The following ADAMTSL3 variants were observed in gnomAD, a reference collection of about 807,000 sequenced individuals.
ADAMTSL3 encodes the protein ADAMTS like 3.
ADAMTSL3 carries 128 observed loss-of-function variants against 201.7 expected under a neutral mutation model. The observed-to-expected ratio is 0.63, with a 90% confidence interval of 0.55 to 0.73. The LOEUF is 0.73. Ranked by LOEUF, ADAMTSL3 falls within the 30% of genes least tolerant of loss-of-function variation. The pLI is 0.00. For synonymous variants in ADAMTSL3, 738 were observed against 748.4 expected (o/e 0.99, Z 0.23); for missense variants, 1,990 against 2,119.6 (o/e 0.94, Z 1.20).
At chr15:84,018,976 G>A (rs954344461) in intron 25 of ADAMTSL3, among the ~76,000 whole-genome samples, 1 of 151,832 alleles carries the variant, frequency 6.6e-6, no homozygotes, top group African/African-American at 2.4e-5. Context: ...CATAGACTGG[G>A]AAAAATATTG....
Position 83,810,841 on chromosome 15 carries a change from C to T in ADAMTSL3, c.363+6146C>T, listed in dbSNP as rs188627382. Among the ~76,000 whole-genome samples the T allele has an allele frequency of 6.3e-3, 961 of 152,274 alleles. 8 individuals are homozygous for T. Among genetic ancestry groups the T allele is most frequent in the Admixed American group, 0.013 (195 of 15,300 alleles). ...GAAACCTCTGCCTCCCGGGTTCAAG[C>T]GATTCTCCTGCCTCAGCCTCCTGAG... is the stretch of plus-strand genomic sequence containing the variant. On this transcript the variant is annotated intron_variant, in intron 5 of 29. Transcript: ENST00000286744.
chr15:83,827,427 G>A (rs2064048685), intron 6 of ADAMTSL3, among the ~76,000 whole-genome samples: 1 of 152,150 alleles, frequency 6.6e-6, no homozygotes, highest in African/African-American at 2.4e-5. Flanking sequence ...TGTCAGACGA[G>A]TAGATTGCGA....
At chr15:83,882,531 A>T (rs1345227298) in intron 9 of ADAMTSL3, among the ~76,000 whole-genome samples, 1 of 152,120 alleles carries the variant, frequency 6.6e-6, no homozygotes, top group Non-Finnish European at 1.5e-5. Flanking sequence ...TCTTAGGTAC[A>T]TTCTTTAGTA....
intron 16 of ADAMTSL3, among the ~76,000 whole-genome samples, chr15:83,913,850 A>G (rs1416910896): frequency 6.6e-6 from 1 of 152,202 alleles, no homozygotes. Flanking sequence ...GTGTACATAG[A>G]GGGTGACATA....
At chr15:83,798,887 T>C (rs2063475762) in intron 4 of ADAMTSL3, among the ~76,000 whole-genome samples, 1 of 150,766 alleles carries the variant, frequency 6.6e-6, no homozygotes, top group Non-Finnish European at 1.5e-5. Flanking sequence ...TTCAAAAGCA[T>C]GGTAGCAGGT....
intron 5 of ADAMTSL3, among the ~76,000 whole-genome samples, chr15:83,819,186 G>C (rs575067902): frequency 6.7e-6 from 1 of 150,026 alleles, no homozygotes; most frequent in Non-Finnish European, 1.5e-5. Context: ...CAGGAGAATC[G>C]CTTGAACCTG....
At chr15:83,870,020 G>A (rs778916195) in intron 8 of ADAMTSL3, among the ~76,000 whole-genome samples, 2 of 152,082 alleles carry the variant, frequency 1.3e-5, no homozygotes, top group Non-Finnish European at 2.9e-5. Flanking sequence ...GAAAGAGGGA[G>A]GAAAGACAGA....
At chr15:83,656,596 T>A (rs145722831) in intron 2 of ADAMTSL3, among the ~76,000 whole-genome samples, 4 of 152,366 alleles carry the variant, frequency 2.6e-5, no homozygotes, top group Non-Finnish European at 4.4e-5. Context: ...TAAATGTGTT[T>A]GCAGCCTGGA....
At chr15:84,012,468 G>A (rs566537033) in intron 23 of ADAMTSL3, among the ~76,000 whole-genome samples, 1 of 152,272 alleles carries the variant, frequency 6.6e-6, no homozygotes, top group South Asian at 2.1e-4. Context: ...ACTAGCAATG[G>A]TGGGTTAGGT....
At chr15:83,941,071 A>T (rs1037360175) in intron 17 of ADAMTSL3, among the ~76,000 whole-genome samples, 7 of 151,776 alleles carry the variant, frequency 4.6e-5, no homozygotes, top group Non-Finnish European at 8.8e-5. Flanking sequence ...AATATTTTAA[A>T]TTTTTTAATT....
chr15:83,883,231 G>A lies in ADAMTSL3; in HGVS notation c.961-1870G>A, dbSNP rs74881422. Among the ~76,000 whole-genome samples the A allele has an allele frequency of 8.4e-3, 1,269 of 151,788 alleles. 16 individuals carry two copies. The highest frequency in any genetic ancestry group is 0.029 in the African/African-American group (1,194 of 41,412). The stretch of plus-strand genomic sequence containing the variant: ...TCTGTTGCCCAGGCTGGAGTGCAAT[G>A]GTGTGATCTCGGCTCATTGCAACCT... On this transcript the variant is annotated intron_variant, in intron 9 of 29. Coordinates refer to ENST00000286744, the MANE Select transcript of ADAMTSL3 (RefSeq NM_207517.3).
intron 3 of ADAMTSL3, among the ~76,000 whole-genome samples, chr15:83,711,883 A>G (rs1447524089): frequency 6.6e-6 from 1 of 152,182 alleles, no homozygotes; most frequent in Non-Finnish European, 1.5e-5. Flanking sequence ...TATTTGGGGT[A>G]CTGGGTGATT....
At chr15:83,958,881 A>G (rs1436914580) in intron 19 of ADAMTSL3, among the ~76,000 whole-genome samples, 3 of 152,202 alleles carry the variant, frequency 2.0e-5, no homozygotes, top group African/African-American at 7.2e-5. Context: ...AAGAAACTCA[A>G]GAATGACTGG....
At chr15:83,715,176 A>T (rs1205418929) in intron 3 of ADAMTSL3, among the ~76,000 whole-genome samples, 2 of 152,124 alleles carry the variant, frequency 1.3e-5, no homozygotes, top group African/African-American at 4.8e-5. Flanking sequence ...ACAATGCAGG[A>T]TGTGAGGCTT....
At chr15:83,856,668 A>G (rs1460279458) in intron 7 of ADAMTSL3, among the ~76,000 whole-genome samples, 2 of 152,172 alleles carry the variant, frequency 1.3e-5, no homozygotes, top group African/African-American at 4.8e-5. Context: ...CCATGACTCA[A>G]TTCTGCCTTT....
intron 2 of ADAMTSL3, among the ~76,000 whole-genome samples, chr15:83,677,556 A>G (rs1291060409): frequency 6.6e-6 from 1 of 152,106 alleles, no homozygotes; most frequent in Non-Finnish European, 1.5e-5. Context: ...TACTTTATCT[A>G]ATATGAATGT....
chr15:84,015,061 T>G (rs148796404), intron 24 of ADAMTSL3, among the ~76,000 whole-genome samples: 136 of 152,192 alleles, frequency 8.9e-4, no homozygotes, highest in African/African-American at 3.2e-3. Flanking sequence ...TTCTCCTGCC[T>G]CAGCCTTCTG....
intron 3 of ADAMTSL3, among the ~76,000 whole-genome samples, chr15:83,746,915 T>C: frequency 6.6e-6 from 1 of 152,210 alleles, no homozygotes. Context: ...TAAATACTTT[T>C]CAGTTTGTAC....
intron 2 of ADAMTSL3, among the ~76,000 whole-genome samples, chr15:83,674,482 A>G (rs971151330): frequency 2.0e-5 from 3 of 151,738 alleles, no homozygotes; most frequent in Non-Finnish European, 4.4e-5. Flanking sequence ...CTATGTATCT[A>G]TTTGTCCTAC....
Sources: allele counts gnomAD v4.1 joint callset (sites outside exome capture counted in the v4.1 genomes callset), GRCh38; gene constraint gnomAD v4.1.1; transcripts MANE v1.5; gene names NCBI Gene and HGNC (gene_info 2026-07-23, HGNC 2026-07-21).